The following ZNF804B variants were observed in gnomAD, a reference collection of about 807,000 sequenced individuals.
ZNF804B encodes zinc finger 804B.
A neutral mutation model predicts 101.4 loss-of-function variants in ZNF804B; 80 were observed. The ratio of observed to expected loss-of-function variants is 0.79; its 90% CI spans 0.66 to 0.95. The LOEUF (loss-of-function observed/expected upper bound fraction) is 0.95, where lower values mean the gene tolerates loss of function less well. Ranked by LOEUF, ZNF804B falls within the 40% of genes least tolerant of loss-of-function variation. ZNF804B has a pLI of 0.00. For synonymous variants in ZNF804B, 622 were observed against 558.8 expected (o/e 1.11, Z -1.59); for missense variants, 1,673 against 1,561.9 (o/e 1.07, Z -1.20).
chr7:89,011,761 C>T (rs1204621926), intron 1 of ZNF804B, among the ~76,000 whole-genome samples: 5 of 152,200 alleles, frequency 3.3e-5, no homozygotes, highest in Non-Finnish European at 5.9e-5. Flanking sequence ...TTTGAGAGTA[C>T]AGCCCCCCTC....
intron 2 of ZNF804B, among the ~76,000 whole-genome samples, chr7:89,310,638 G>A (rs947629849): frequency 6.6e-6 from 1 of 152,194 alleles, no homozygotes; most frequent in Admixed American, 6.5e-5. Context: ...ATTCTCAGCA[G>A]CAGGCATCGC....
intron 2 of ZNF804B, among the ~76,000 whole-genome samples, chr7:89,238,061 G>A (rs1198098905): frequency 3.3e-5 from 5 of 152,236 alleles, no homozygotes; most frequent in South Asian, 4.1e-4. Context: ...CAAAATGCAC[G>A]AATGAATGCA....
At chr7:89,252,176 C>A (rs1041446238) in intron 2 of ZNF804B, among the ~76,000 whole-genome samples, 1 of 152,100 alleles carries the variant, frequency 6.6e-6, no homozygotes, top group East Asian at 1.9e-4. Flanking sequence ...GGTCTAATGT[C>A]GAGAATCTAT....
At chr7:88,872,585 C>T (rs1791846695) in intron 1 of ZNF804B, among the ~76,000 whole-genome samples, 1 of 151,932 alleles carries the variant, frequency 6.6e-6, no homozygotes. Context: ...CGTCATCTAG[C>T]ATTAGGTATA....
chr7:89,225,767 G>A (rs2115724547), intron 2 of ZNF804B, among the ~76,000 whole-genome samples: 1 of 152,162 alleles, frequency 6.6e-6, no homozygotes, highest in East Asian at 1.9e-4. Flanking sequence ...TTGTTGACAA[G>A]GTGTGCCACC....
intron 1 of ZNF804B, among the ~76,000 whole-genome samples, chr7:88,842,290 G>T (rs1791301907): frequency 1.3e-5 from 2 of 152,094 alleles, no homozygotes; most frequent in African/African-American, 4.8e-5. Context: ...CATTTGATTA[G>T]CTCCCACTCA....
At chr7:88,908,937 T>C (rs972831791) in intron 1 of ZNF804B, among the ~76,000 whole-genome samples, 6 of 151,816 alleles carry the variant, frequency 4.0e-5, no homozygotes, top group African/African-American at 1.4e-4. Context: ...TATGTAGCTA[T>C]CAGGAGTATT....
chr7:88,799,592 A>G (rs1219388120), intron 1 of ZNF804B, among the ~76,000 whole-genome samples: 2 of 152,088 alleles, frequency 1.3e-5, no homozygotes, highest in Admixed American at 6.6e-5. Context: ...CCTAGGTTTC[A>G]GCAACATTTA....
chr7:88,845,411 A>G (rs1355014527), intron 1 of ZNF804B, among the ~76,000 whole-genome samples: 2 of 152,042 alleles, frequency 1.3e-5, no homozygotes, highest in Non-Finnish European at 2.9e-5. Flanking sequence ...CCTAGATGGC[A>G]TTGCCACTGG....
intron 2 of ZNF804B, among the ~76,000 whole-genome samples, chr7:89,230,359 A>T (rs1719398412): frequency 6.6e-6 from 1 of 151,950 alleles, no homozygotes; most frequent in Non-Finnish European, 1.5e-5. Flanking sequence ...GAAATAGTAT[A>T]AGTGACTCTG....
chr7:88,921,182 C>CTGG (rs1353110339), intron 1 of ZNF804B, among the ~76,000 whole-genome samples: 1 of 151,846 alleles, frequency 6.6e-6, no homozygotes, highest in Admixed American at 6.6e-5. Context: ...GGACTTGAGA[C>CTGG]TGGTAGATGG....
At chr7:89,134,509 CCTA>C (rs1341087850) in intron 1 of ZNF804B, among the ~76,000 whole-genome samples, 1 of 151,946 alleles carries the variant, frequency 6.6e-6, no homozygotes, top group Non-Finnish European at 1.5e-5. Flanking sequence ...TGTAACAGAG[CCTA>C]CTAACTCTTT....
intron 1 of ZNF804B, among the ~76,000 whole-genome samples, chr7:89,082,868 G>C (rs142865655): frequency 4.0e-5 from 6 of 151,760 alleles, no homozygotes; most frequent in Non-Finnish European, 5.9e-5. Context: ...GTGACCTAAA[G>C]AGAATTTTTG....
chr7:88,784,209 C>T (rs980143307), intron 1 of ZNF804B, among the ~76,000 whole-genome samples: 1 of 152,092 alleles, frequency 6.6e-6, no homozygotes, highest in African/African-American at 2.4e-5. Context: ...AGACAATCTG[C>T]AATTAACTGT....
chr7:89,274,856 G>C (rs940705731), intron 2 of ZNF804B, among the ~76,000 whole-genome samples: 1 of 151,728 alleles, frequency 6.6e-6, no homozygotes, highest in Non-Finnish European at 1.5e-5. Flanking sequence ...TCTCACTGTG[G>C]ATTCCTTCAC....
chr7:89,011,357 A>G (rs920861458), intron 1 of ZNF804B, among the ~76,000 whole-genome samples: 1 of 152,136 alleles, frequency 6.6e-6, no homozygotes, highest in Non-Finnish European at 1.5e-5. Context: ...GGCACCTTCC[A>G]TATCTCATGT....
chr7:89,037,412 T>C (rs913846648), intron 1 of ZNF804B, among the ~76,000 whole-genome samples: 1 of 152,044 alleles, frequency 6.6e-6, no homozygotes, highest in African/African-American at 2.4e-5. Context: ...TTAACACATG[T>C]ACCAATTATT....
chr7:89,057,421 G>T (rs753315138), intron 1 of ZNF804B, among the ~76,000 whole-genome samples: 1 of 152,054 alleles, frequency 6.6e-6, no homozygotes, highest in Non-Finnish European at 1.5e-5. Flanking sequence ...AAAACAGTTT[G>T]CTCAGACCAT....
intron 1 of ZNF804B, among the ~76,000 whole-genome samples, chr7:89,062,567 T>C (rs1789396646): frequency 6.6e-6 from 1 of 152,122 alleles, no homozygotes; most frequent in Non-Finnish European, 1.5e-5. Flanking sequence ...GACTATACCG[T>C]ATTATTTTTG....
Sources: allele counts gnomAD v4.1 joint callset (sites outside exome capture counted in the v4.1 genomes callset), GRCh38; gene constraint gnomAD v4.1.1; transcripts MANE v1.5; gene names NCBI Gene and HGNC (gene_info 2026-07-23, HGNC 2026-07-21).